Variants in SLC35F3 observed in about 807,000 individuals in gnomAD.
SLC35F3 encodes solute carrier family 35 member F3, also known as putative thiamine transporter SLC35F3.
Under a neutral mutation model 49.9 loss-of-function variants are expected in SLC35F3, and 25 were observed. That is an observed-to-expected ratio of 0.50 (90% CI 0.37 to 0.70). The LOEUF is 0.70. Among genes scored for constraint, SLC35F3 ranks in the 30% least tolerant of loss-of-function variants. The pLI, the probability that SLC35F3 is intolerant of heterozygous loss-of-function variation, is 0.00. For synonymous variants in SLC35F3, 275 were observed against 265.4 expected, an observed-to-expected ratio of 1.04 and a Z score of -0.35; for missense variants, 525 against 639.8, an observed-to-expected ratio of 0.82 and a Z score of 1.94.
At chr1:234,010,809 T>C (rs1663706469) in intron 2 of SLC35F3, among the ~76,000 whole-genome samples, 1 of 152,174 alleles carries the variant, frequency 6.6e-6, no homozygotes, top group Admixed American at 6.5e-5. Flanking sequence ...GGAGTAGCTA[T>C]ATTTATATCA....
chr1:234,048,430 A>G (rs1664325108), intron 2 of SLC35F3, among the ~76,000 whole-genome samples: 1 of 152,206 alleles, frequency 6.6e-6, no homozygotes, highest in South Asian at 2.1e-4. Context: ...CACTGTCAGT[A>G]TGGACCAAAG....
intron 4 of SLC35F3, among the ~76,000 whole-genome samples, chr1:234,310,873 G>A (rs1304160140): frequency 6.6e-6 from 1 of 152,174 alleles, no homozygotes; most frequent in African/African-American, 2.4e-5. Flanking sequence ...GCAACATGAT[G>A]CTTCTAGATC....
intron 2 of SLC35F3, among the ~76,000 whole-genome samples, chr1:234,120,383 G>A (rs918044208): frequency 1.3e-5 from 2 of 152,230 alleles, no homozygotes; most frequent in African/African-American, 2.4e-5. Context: ...TAGCAGATCA[G>A]CTAGCATTTG....
intron 2 of SLC35F3, among the ~76,000 whole-genome samples, chr1:234,015,476 A>G (rs1200663800): frequency 6.6e-6 from 1 of 152,196 alleles, no homozygotes; most frequent in Non-Finnish European, 1.5e-5. Flanking sequence ...GACTTATGGA[A>G]CAGAATAGAG....
chr1:233,974,750 G>T (rs1558194219), intron 2 of SLC35F3, among the ~76,000 whole-genome samples: 1 of 152,198 alleles, frequency 6.6e-6, no homozygotes, highest in Non-Finnish European at 1.5e-5. Flanking sequence ...AGACATTTGA[G>T]TTTTCTCAAA....
intron 2 of SLC35F3, among the ~76,000 whole-genome samples, chr1:234,049,440 C>A (rs1263457924): frequency 6.6e-6 from 1 of 151,994 alleles, no homozygotes; most frequent in Non-Finnish European, 1.5e-5. Flanking sequence ...AAGGACACAA[C>A]AAGAAGCCAG....
intron 3 of SLC35F3, among the ~76,000 whole-genome samples, chr1:234,266,574 T>A (rs935359038): frequency 1.3e-5 from 2 of 152,208 alleles, no homozygotes; most frequent in African/African-American, 4.8e-5. Flanking sequence ...GAGAAATGTA[T>A]CCTTAGGGAT....
Position 234,217,558 on chromosome 1 carries a change from A to G in SLC35F3, c.284-13859A>G, listed in dbSNP as rs533126482. 4.2e-3 allele frequency among the ~76,000 whole-genome samples: 635 copies of G among 152,228 alleles called. 5 individuals carry two copies. Among genetic ancestry groups the G allele is most frequent in the South Asian group, 0.025 (120 of 4,826 alleles). ...TCCTGAGGAGGAGGCCTTCATGAGG[A>G]GGAGGGTTTCTACAGAGGAATACTT... On this transcript the variant is annotated intron_variant, in intron 2 of 7. Coordinates refer to ENST00000366618, the MANE Select transcript of SLC35F3 (RefSeq NM_173508.4).
intron 7 of SLC35F3, among the ~76,000 whole-genome samples, chr1:234,321,433 T>C (rs571128245): frequency 6.6e-6 from 1 of 152,284 alleles, no homozygotes; most frequent in African/African-American, 2.4e-5. Context: ...CATTTCAAAA[T>C]GCAGAAAGCA....
At chr1:234,159,795 G>A (rs956458567) in intron 2 of SLC35F3, among the ~76,000 whole-genome samples, 5 of 152,190 alleles carry the variant, frequency 3.3e-5, no homozygotes, top group African/African-American at 1.2e-4. Context: ...ATTCAGTTGT[G>A]TATTTACCCT....
rs192589409 is a variant in SLC35F3 at position 234,241,592 on chromosome 1, G to A, written c.608+9851G>A. Among the ~76,000 whole-genome samples the A allele has an allele frequency of 4.0e-4, 61 of 152,124 alleles. 1 individual carries two copies. The highest frequency in any genetic ancestry group is 1.4e-3 in the African/African-American group (57 of 41,476). On this transcript the variant is annotated intron_variant, in intron 3 of 7. Transcript: ENST00000366618. ...TTCTACTAAAAATACAAAATTAGCTGGGCATGGTAGCACATGCCTGTAATC... is the reference window on the plus strand; with the variant it reads ...TTCTACTAAAAATACAAAATTAGCTAGGCATGGTAGCACATGCCTGTAATC...
chr1:234,013,848 C>T (rs1004012076), intron 2 of SLC35F3, among the ~76,000 whole-genome samples: 2 of 143,160 alleles, frequency 1.4e-5, no homozygotes, highest in African/African-American at 5.6e-5. Context: ...AAAACTTTCC[C>T]ATCAAAAAAA....
intron 2 of SLC35F3, among the ~76,000 whole-genome samples, chr1:234,068,281 A>G (rs988953595): frequency 4.6e-5 from 7 of 152,302 alleles, no homozygotes; most frequent in Non-Finnish European, 7.4e-5. Flanking sequence ...GAAATAGTGA[A>G]TGCACTCTGT....
At chr1:234,133,719 A>G (rs780776876) in intron 2 of SLC35F3, among the ~76,000 whole-genome samples, 2 of 152,276 alleles carry the variant, frequency 1.3e-5, no homozygotes, top group Non-Finnish European at 2.9e-5. Flanking sequence ...GAAATAAGAT[A>G]GAGGCCATAA....
At chr1:234,281,502 C>T (rs1048062300) in intron 3 of SLC35F3, among the ~76,000 whole-genome samples, 24 of 152,284 alleles carry the variant, frequency 1.6e-4, no homozygotes, top group African/African-American at 5.5e-4. Flanking sequence ...CAAAGTCAGT[C>T]TCCATCCATT....
chr1:234,189,561 A>G (rs6665292), intron 2 of SLC35F3, among the ~76,000 whole-genome samples: 11,067 of 151,790 alleles, frequency 0.073, 1,309 homozygotes, highest in African/African-American at 0.25. Context: ...GCCTCCGAGA[A>G]GTCTGGGGTT....
chr1:234,032,091 T>TA (rs1664071759), intron 2 of SLC35F3, among the ~76,000 whole-genome samples: 1 of 152,210 alleles, frequency 6.6e-6, no homozygotes. Context: ...TTTGCATTGA[T>TA]ACTTCGTGAT....
chr1:234,214,133 G>T lies in SLC35F3; in HGVS notation c.284-17284G>T. ...CTGGCTGGGAGGAAGACAGGGATGAGGGCTGCGGGGCTGGGCGTCCCGGGG... is the reference window on the plus strand; with the variant it reads ...CTGGCTGGGAGGAAGACAGGGATGATGGCTGCGGGGCTGGGCGTCCCGGGG... On this transcript the variant is annotated intron_variant, in intron 2 of 7. Transcript: ENST00000366618. The surrounding 1 kb of genome is among the most constrained non-coding windows in gnomAD (Gnocchi z 8.0). 3 of 1,043,576 alleles carry T rather than the reference G, an allele frequency of 2.9e-6. No homozygotes were observed. Among genetic ancestry groups the T allele is most frequent in the East Asian group, 7.8e-5 (1 of 12,808 alleles). The allele number at this position is 1,043,576 out of a possible 1,614,324, so 64.6% of individuals were successfully genotyped here.
intron 2 of SLC35F3, among the ~76,000 whole-genome samples, chr1:234,005,448 A>G (rs1316670827): frequency 2.0e-5 from 3 of 152,084 alleles, no homozygotes; most frequent in Non-Finnish European, 4.4e-5. Flanking sequence ...CCTCCTGCAG[A>G]TCTAATTCTT....
Sources: gnomAD v4.1 joint callset for allele counts (sites outside exome capture counted in the v4.1 genomes callset) on GRCh38, gnomAD v4.1.1 for gene constraint, Gnocchi (gnomAD v3.1) non-coding constraint, MANE v1.5 for transcripts, NCBI Gene and HGNC (gene_info 2026-07-23, HGNC 2026-07-21) for gene names.